The following GSAP variants were observed in gnomAD, a reference collection of about 807,000 sequenced individuals.
GSAP encodes gamma-secretase-activating protein.
GSAP carries 118 observed loss-of-function variants against 131.7 expected under a neutral mutation model. That is an observed-to-expected ratio of 0.90 (90% CI 0.77 to 1.04). The LOEUF (loss-of-function observed/expected upper bound fraction) is 1.04, where lower values mean the gene tolerates loss of function less well. Ranked by LOEUF, GSAP falls within the 50% of genes least tolerant of loss-of-function variation. GSAP has a pLI of 0.00. For synonymous variants in GSAP, 381 were observed against 363.4 expected (o/e 1.05, Z -0.55); for missense variants, 1,019 against 1,013.2 (o/e 1.01, Z -0.08).
chr7:77,372,881 G>C (rs542082178), intron 12 of GSAP, among the ~76,000 whole-genome samples: 69 of 152,258 alleles, frequency 4.5e-4, no homozygotes, highest in African/African-American at 1.7e-3. Context: ...TCAGTGACAT[G>C]GTCTTAGTTC....
chr7:77,355,336 T>C lies in GSAP; in HGVS notation c.1215A>G (p.Arg405=). ...ATAAAGACGACTGGCTGAGCAGTGC[T>C]CTATAGAGCTTTCCAGAACAACAAT... ...VLDCCSGKLY[R]ALLSQSSLLQ... Residue 405 remains arginine (R), a synonymous_variant, in exon 16 of 31, where the codon AGA becomes AGG. Transcript: ENST00000257626. 2 of 1,613,200 alleles carry C rather than the reference T, an allele frequency of 1.2e-6. No homozygotes were observed. Among genetic ancestry groups the C allele is most frequent in the Non-Finnish European group, 8.5e-7 (1 of 1,179,424 alleles).
At position 77,328,646 on chromosome 7, in the gene GSAP, A is replaced by T; in HGVS notation, c.1734-9T>A. The T allele has an allele frequency of 6.5e-7, 1 of 1,529,020 alleles. No individual in the cohort carries two copies. Among genetic ancestry groups the T allele is most frequent in the Non-Finnish European group, 9.1e-7 (1 of 1,104,262 alleles). 94.7% of individuals were successfully genotyped at this position (1,529,020 alleles called of 1,614,324 possible). The stretch of plus-strand genomic sequence containing the variant: ...CTAGGTTAGAAATCACCCTACGAAG[A>T]AATTAGCCATGTTATTCACAGACAG... On this transcript the variant is annotated splice_polypyrimidine_tract_variant and intron_variant, in intron 21 of 30. Coordinates refer to ENST00000257626, the MANE Select transcript of GSAP (RefSeq NM_017439.4).
chr7:77,357,928 A>T (rs1793994945), intron 14 of GSAP, among the ~76,000 whole-genome samples: 1 of 152,250 alleles, frequency 6.6e-6, no homozygotes, highest in African/African-American at 2.4e-5. Context: ...CTAATACAGG[A>T]TATGCTAACT....
intron 5 of GSAP, among the ~76,000 whole-genome samples, chr7:77,388,660 A>T (rs1798937530): frequency 6.6e-6 from 1 of 152,246 alleles, no homozygotes; most frequent in Non-Finnish European, 1.5e-5. Context: ...CTTCACTGTG[A>T]AAAATAATAT....
chr7:77,380,093 T>C (rs1030417135), intron 8 of GSAP: 2 of 221,618 alleles, frequency 9.0e-6, no homozygotes, highest in Non-Finnish European at 1.5e-5. Flanking sequence ...GAAAAACAGA[T>C]AAGGATGCAA....
chr7:77,320,586 C>T (rs1008315192), intron 26 of GSAP, 139 bp downstream of exon 26: 14 of 625,590 alleles, frequency 2.2e-5, no homozygotes, highest in Non-Finnish European at 3.7e-5. Context: ...ACCTAAGGGC[C>T]CATCACTCAC....
At chr7:77,347,987 CA>C (rs34156549) in intron 19 of GSAP, among the ~76,000 whole-genome samples, 12,934 of 118,688 alleles carry the variant, frequency 0.11, 692 homozygotes, top group Non-Finnish European at 0.15. Flanking sequence ...CCCATCTCTA[CA>C]AAAAAAAAAA....
intron 1 of GSAP, among the ~76,000 whole-genome samples, chr7:77,414,116 T>C (rs1013455714): frequency 6.6e-6 from 1 of 152,230 alleles, no homozygotes; most frequent in Non-Finnish European, 1.5e-5. Context: ...ATATCATACA[T>C]ATCTCATGAG....
chr7:77,332,671 AAAATT>A (rs762162990), intron 19 of GSAP, among the ~76,000 whole-genome samples: 8 of 152,362 alleles, frequency 5.3e-5, no homozygotes, highest in Non-Finnish European at 8.8e-5. Context: ...AAATAAAACA[AAAATT>A]AAAATTTACA....
At chr7:77,320,886 G>T in intron 25 of GSAP, 67 bp from the exon 26 acceptor site, 1 of 982,286 alleles carries the variant, frequency 1.0e-6, no homozygotes, top group Non-Finnish European at 1.6e-6. Flanking sequence ...TTTGTCCTAA[G>T]CAGTGGCTTT....
chr7:77,363,110 T>C (rs1422355164), intron 12 of GSAP, among the ~76,000 whole-genome samples: 2 of 152,242 alleles, frequency 1.3e-5, no homozygotes, highest in African/African-American at 4.8e-5. Context: ...AAAGGCAAAG[T>C]GTGATCTATC....
intron 1 of GSAP, among the ~76,000 whole-genome samples, chr7:77,409,140 G>A (rs145408953): frequency 7.0e-4 from 106 of 152,220 alleles, no homozygotes; most frequent in Non-Finnish European, 9.8e-4. Flanking sequence ...TCACACTGAA[G>A]GATAATAAGG....
In GSAP at chr7:77,412,776, C is replaced by CA. The variant is rs34619648; in HGVS notation, c.109+3436dup. ...GAAATAATTAATCCTACCAGTTTGA[C>CA]AAAAAAAAAAAAAAAAAAATTAAAT... is the stretch of plus-strand genomic sequence containing the variant. On this transcript the variant is annotated intron_variant, in intron 1 of 30. Transcript: ENST00000257626. Among the ~76,000 whole-genome samples, 512 of 110,652 alleles carry CA rather than the reference C, an allele frequency of 4.6e-3. 4 individuals carry two copies. Among genetic ancestry groups the CA allele is most frequent in the South Asian group, 0.016 (57 of 3,506 alleles). The allele number at this position is 110,652 out of a possible 152,430, so 72.6% of individuals were successfully genotyped here. A position where few individuals can be genotyped will look rare whatever the true frequency, so the allele number is the denominator to read the frequency against.
intron 13 of GSAP, among the ~76,000 whole-genome samples, chr7:77,361,362 C>T (rs1468318631): frequency 1.3e-5 from 2 of 152,192 alleles, no homozygotes; most frequent in Non-Finnish European, 2.9e-5. Flanking sequence ...GGCCTTTCCT[C>T]TCTACTTTCT....
intron 12 of GSAP, among the ~76,000 whole-genome samples, chr7:77,370,409 TGA>T (rs1310642468): frequency 6.6e-6 from 1 of 152,112 alleles, no homozygotes; most frequent in Admixed American, 6.5e-5. Context: ...TGCAGTGAGC[TGA>T]GAGAGTTCCA....
Position 77,355,722 on chromosome 7 carries a change from C to T in GSAP, c.1028-75G>A, listed in dbSNP as rs531406096. 103 of 850,320 alleles carry T rather than the reference C, an allele frequency of 1.2e-4. No individual in the cohort carries two copies. In the East Asian group the frequency reaches 2.4e-3, roughly 20 times the overall value. 52.7% of individuals were successfully genotyped at this position (850,320 alleles called of 1,614,324 possible). A position where few individuals can be genotyped will look rare whatever the true frequency, so the allele number is the denominator to read the frequency against. Reference sequence around the variant, plus strand: ...GGTACAGAATGTCACATTATCCCTGCTTGTCTCTGAATATCTCAAAAGGCA... The same window carrying T: ...GGTACAGAATGTCACATTATCCCTGTTTGTCTCTGAATATCTCAAAAGGCA... On this transcript the variant is annotated intron_variant, in intron 14 of 30. Transcript: ENST00000257626.
At chr7:77,368,855 C>G (rs554432542) in intron 12 of GSAP, among the ~76,000 whole-genome samples, 1 of 152,174 alleles carries the variant, frequency 6.6e-6, no homozygotes, top group Non-Finnish European at 1.5e-5. Context: ...TAAAGGTTAG[C>G]TGGTGTTATT....
chr7:77,409,917 A>G (rs1802977858), intron 1 of GSAP, among the ~76,000 whole-genome samples: 1 of 152,150 alleles, frequency 6.6e-6, no homozygotes, highest in African/African-American at 2.4e-5. Context: ...TGGCTGTCTT[A>G]AAATCATTAA....
At chr7:77,399,514 C>T (rs953339631) in intron 3 of GSAP, among the ~76,000 whole-genome samples, 5 of 152,176 alleles carry the variant, frequency 3.3e-5, no homozygotes, top group Admixed American at 2.0e-4. Context: ...CATGTTCACT[C>T]TTGTATGCAC....
Sources: gnomAD v4.1 joint callset for allele counts (sites outside exome capture counted in the v4.1 genomes callset) on GRCh38, gnomAD v4.1.1 for gene constraint, MANE v1.5 for transcripts, NCBI Gene and HGNC (gene_info 2026-07-23, HGNC 2026-07-21) for gene names.